Variants in DNAH14 observed in about 807,000 individuals in gnomAD.
DNAH14 encodes axonemal beta dynein heavy chain 14.
A neutral mutation model predicts 520.9 loss-of-function variants in DNAH14; 478 were observed. That is an observed-to-expected ratio of 0.92 (90% CI 0.85 to 0.99). The LOEUF is 0.99. Ranked by LOEUF, DNAH14 falls within the 50% of genes least tolerant of loss-of-function variation. The probability of loss-of-function intolerance (pLI) is 0.00; values close to 1 mark genes in which losing one functional copy is unlikely to be tolerated. For synonymous variants in DNAH14, 1,581 were observed against 1,757.2 expected (o/e 0.90, Z 2.51); for missense variants, 4,831 against 5,234.5 (o/e 0.92, Z 2.38).
intron 71 of DNAH14, among the ~76,000 whole-genome samples, chr1:225,349,993 A>G (rs973913778): frequency 6.6e-6 from 1 of 152,182 alleles, no homozygotes; most frequent in African/African-American, 2.4e-5. Flanking sequence ...ACAGCAGGAT[A>G]TACATTCTTC....
intron 17 of DNAH14, among the ~76,000 whole-genome samples, chr1:225,065,983 G>C (rs2070839432): frequency 6.6e-6 from 1 of 152,034 alleles, no homozygotes; most frequent in Admixed American, 6.6e-5. Context: ...CCAAACAACA[G>C]TGTTCAACTG....
chr1:225,188,660 G>T (rs1429875427), intron 37 of DNAH14, among the ~76,000 whole-genome samples: 1 of 151,722 alleles, frequency 6.6e-6, no homozygotes, highest in African/African-American at 2.4e-5. Flanking sequence ...TTGGACATTT[G>T]GTTATTTGGG....
intron 27 of DNAH14, among the ~76,000 whole-genome samples, chr1:225,126,673 A>G (rs1285643381): frequency 6.6e-6 from 1 of 151,904 alleles, no homozygotes; most frequent in African/African-American, 2.4e-5. Context: ...TGGATTCATT[A>G]ATTTTTTGAA....
At chr1:224,963,783 A>G (rs1304901983) in intron 4 of DNAH14, among the ~76,000 whole-genome samples, 1 of 152,144 alleles carries the variant, frequency 6.6e-6, no homozygotes, top group Non-Finnish European at 1.5e-5. Flanking sequence ...GAGTCATGCA[A>G]GTGCCTCATC....
At chr1:225,059,589 T>G (rs541535637) in intron 17 of DNAH14, among the ~76,000 whole-genome samples, 12 of 152,256 alleles carry the variant, frequency 7.9e-5, no homozygotes, top group Non-Finnish European at 1.3e-4. Context: ...CTGGTTATTT[T>G]GCTCTTTAGT....
chr1:225,392,221 A>G (rs761580986), intron 83 of DNAH14, 70 bp from the exon 84 acceptor site: 96 of 1,504,990 alleles, frequency 6.4e-5, no homozygotes, highest in Non-Finnish European at 8.3e-5. Context: ...ATGAGACATC[A>G]TTGTTGCTAA....
intron 43 of DNAH14, among the ~76,000 whole-genome samples, chr1:225,249,066 A>G (rs1183616698): frequency 6.6e-6 from 1 of 152,222 alleles, no homozygotes; most frequent in Non-Finnish European, 1.5e-5. Context: ...AATAAGATTT[A>G]TAATGGCATA....
chr1:225,041,085 G>A (rs1456129824), intron 12 of DNAH14, among the ~76,000 whole-genome samples: 2 of 152,142 alleles, frequency 1.3e-5, no homozygotes, highest in Admixed American at 6.5e-5. Flanking sequence ...GTGGAGATTT[G>A]GACACAGGCT....
intron 31 of DNAH14, among the ~76,000 whole-genome samples, chr1:225,148,037 G>T (rs754387901): frequency 4.6e-5 from 7 of 151,994 alleles, no homozygotes; most frequent in Non-Finnish European, 1.0e-4. Context: ...TCTACCATGG[G>T]TGGGCATTTG....
chr1:225,137,645 T>C (rs975911673), intron 27 of DNAH14, among the ~76,000 whole-genome samples: 3 of 152,124 alleles, frequency 2.0e-5, no homozygotes, highest in African/African-American at 7.2e-5. Flanking sequence ...CATGAACCAC[T>C]GCCTAGCCTC....
chr1:225,176,548 A>G (rs1383096490), intron 36 of DNAH14, among the ~76,000 whole-genome samples: 4 of 120,738 alleles, frequency 3.3e-5, no homozygotes, highest in Non-Finnish European at 5.4e-5. Flanking sequence ...GAAATTTCCT[A>G]CTATTATTGT....
intron 1 of DNAH14, among the ~76,000 whole-genome samples, chr1:224,939,453 G>A (rs1037741944): frequency 2.0e-5 from 3 of 152,046 alleles, no homozygotes; most frequent in Non-Finnish European, 4.4e-5. Flanking sequence ...GGTGGATCAC[G>A]AGGTCAGGAG....
At chr1:225,250,163 C>T (rs974863402) in intron 43 of DNAH14, among the ~76,000 whole-genome samples, 3 of 152,082 alleles carry the variant, frequency 2.0e-5, no homozygotes, top group Admixed American at 2.0e-4. Context: ...AACTTTTTTC[C>T]AAAATGTCTA....
chr1:225,213,322 C>G (rs779787351), intron 41 of DNAH14, among the ~76,000 whole-genome samples: 1 of 152,050 alleles, frequency 6.6e-6, no homozygotes, highest in Non-Finnish European at 1.5e-5. Context: ...CCTTGTAGTA[C>G]AGTTTGAAGT....
At chr1:225,372,653 G>A (rs2095632511) in intron 77 of DNAH14, among the ~76,000 whole-genome samples, 1 of 152,140 alleles carries the variant, frequency 6.6e-6, no homozygotes, top group Non-Finnish European at 1.5e-5. Flanking sequence ...CAATCTTGGA[G>A]TTGGGAACAA....
intron 1 of DNAH14, among the ~76,000 whole-genome samples, chr1:224,951,410 T>C (rs1201202928): frequency 6.6e-6 from 1 of 152,010 alleles, no homozygotes; most frequent in Non-Finnish European, 1.5e-5. Context: ...TTTTTTTTTT[T>C]TAATCCAGTG....
intron 81 of DNAH14, 80 bp from the exon 82 acceptor site, chr1:225,388,299 T>C: frequency 1.3e-6 from 1 of 755,652 alleles, no homozygotes; most frequent in Non-Finnish European, 2.2e-6. Context: ...TTGAGTCTAT[T>C]ACCAAGGTTT....
chr1:224,930,329 A>G (rs1394725556), intron 1 of DNAH14, among the ~76,000 whole-genome samples: 1 of 152,276 alleles, frequency 6.6e-6, no homozygotes, highest in East Asian at 1.9e-4. Context: ...ACTAATGGAT[A>G]TTTTACTTGC....
chr1:225,344,061 C>A (rs2095245331), intron 69 of DNAH14, among the ~76,000 whole-genome samples: 1 of 151,974 alleles, frequency 6.6e-6, no homozygotes, highest in Admixed American at 6.6e-5. Flanking sequence ...TATTCTCTAC[C>A]ATTTGTTCCT....
Sources: gnomAD v4.1 joint callset for allele counts (sites outside exome capture counted in the v4.1 genomes callset) on GRCh38, gnomAD v4.1.1 for gene constraint, MANE v1.5 for transcripts, NCBI Gene and HGNC (gene_info 2026-07-23, HGNC 2026-07-21) for gene names.